GLI2: variants seen among roughly 807,000 people sequenced by gnomAD.
The protein encoded by GLI2 is GLI family zinc finger 2, also known as transcription activator GLI2.
A neutral mutation model predicts 78.9 loss-of-function variants in GLI2; 22 were observed. The ratio of observed to expected loss-of-function variants is 0.28; its 90% confidence interval spans 0.20 to 0.40. GLI2 has a LOEUF of 0.40. Among genes scored for constraint, GLI2 ranks in the 10% least tolerant of loss-of-function variants. The pLI, the probability that GLI2 is intolerant of heterozygous loss-of-function variation, is 1.00. For synonymous variants in GLI2, 974 were observed against 963.7 expected (o/e 1.01, Z -0.20); for missense variants, 2,097 against 2,213.2 (o/e 0.95, Z 1.05).
At chr2:120,900,612 C>A (rs1314488126) in intron 2 of GLI2, among the ~76,000 whole-genome samples, 1 of 152,222 alleles carries the variant, frequency 6.6e-6, no homozygotes, top group Non-Finnish European at 1.5e-5. Flanking sequence ...GTGGAAGAAA[C>A]AAGATGAGGG....
At position 120,986,589 on chromosome 2, in the gene GLI2, C is replaced by A. The variant is rs941125473; in HGVS notation, c.2217C>A (p.Thr739=). Residue 739 remains threonine, a synonymous_variant, in exon 13 of 14, where the codon ACC becomes ACA. Transcript: ENST00000361492. The part of the protein sequence containing the change: ...WAGPTPHTRN[T]KLPPLPGSGS... ...GGCCGACTCCACACACGCGGAACAC[C>A]AAGCTGCCTCCCCTCCCGGGAAGTG... 5.6e-6 allele frequency: 9 copies of A among 1,613,966 alleles called. No individual in the cohort carries two copies. In the African/African-American group the frequency reaches 1.2e-4, roughly 22 times the overall value.
chr2:120,927,567 T>C (rs112754435), intron 3 of GLI2, 101 bp downstream of exon 3: 2 of 822,022 alleles, frequency 2.4e-6, no homozygotes. Flanking sequence ...TGTCTTTCTT[T>C]TGGGGGTTCC....
At chr2:120,935,585 G>A (rs1158702537) in intron 3 of GLI2, among the ~76,000 whole-genome samples, 1 of 152,124 alleles carries the variant, frequency 6.6e-6, no homozygotes, top group Admixed American at 6.5e-5. Flanking sequence ...CTGCAAGGTG[G>A]GATTATCACT....
intron 2 of GLI2, among the ~76,000 whole-genome samples, chr2:120,912,445 C>G (rs1313130613): frequency 3.3e-5 from 5 of 152,106 alleles, no homozygotes; most frequent in African/African-American, 4.8e-5. Flanking sequence ...AATAGGGGAG[C>G]AGGCTCTTCC....
At chr2:120,789,029 C>CTTTTTTTTTTTTT (rs765758623) in intron 1 of GLI2, among the ~76,000 whole-genome samples, 1 of 135,496 alleles carries the variant, frequency 7.4e-6, no homozygotes, top group African/African-American at 3.2e-5. Context: ...TTATTTCTTT[C>CTTTTTTTTTTTTT]TTTCTTTTTT....
intron 2 of GLI2, among the ~76,000 whole-genome samples, chr2:120,825,024 C>T (rs998647259): frequency 3.3e-5 from 5 of 152,100 alleles, no homozygotes; most frequent in African/African-American, 1.2e-4. Context: ...TTTATAGAGA[C>T]AGGGTTTCAA....
intron 2 of GLI2, among the ~76,000 whole-genome samples, chr2:120,882,552 G>A (rs563646207): frequency 2.0e-5 from 3 of 152,256 alleles, no homozygotes; most frequent in Non-Finnish European, 2.9e-5. Context: ...GCTGCAACGC[G>A]AAGCCGACAA....
At chr2:120,898,215 C>A (rs1055255703) in intron 2 of GLI2, among the ~76,000 whole-genome samples, 1 of 150,818 alleles carries the variant, frequency 6.6e-6, no homozygotes, top group Non-Finnish European at 1.5e-5. Context: ...CACACACACA[C>A]AAAATGATTG....
intron 2 of GLI2, among the ~76,000 whole-genome samples, chr2:120,802,520 G>A (rs1558804274): frequency 6.6e-6 from 1 of 152,162 alleles, no homozygotes; most frequent in East Asian, 1.9e-4. Context: ...AATTTTAAAA[G>A]CAATTTGATT....
At chr2:120,769,400 TG>T (rs1411045284) in intron 1 of GLI2, among the ~76,000 whole-genome samples, 2 of 152,186 alleles carry the variant, frequency 1.3e-5, no homozygotes, top group African/African-American at 4.8e-5. Flanking sequence ...TGCCGGGGCC[TG>T]GGGGCATCCC....
At chr2:120,843,409 C>T (rs1360397230) in intron 2 of GLI2, among the ~76,000 whole-genome samples, 2 of 152,232 alleles carry the variant, frequency 1.3e-5, no homozygotes, top group African/African-American at 4.8e-5. Flanking sequence ...GACGTCAGGA[C>T]AAGATCTGTC....
rs115616643 is a variant in GLI2 at position 120,813,463 on chromosome 2, G to A, written c.148+15995G>A. On this transcript the variant is annotated intron_variant, in intron 2 of 13. Coordinates refer to ENST00000361492, the MANE Select transcript of GLI2 (RefSeq NM_001374353.1). Reference sequence around the variant, plus strand: ...ACAGAGGAACAGCCTGATCCCCTCAGCTGCGTTGAGTCTTGGGAGAGGGAG... The same window carrying A: ...ACAGAGGAACAGCCTGATCCCCTCAACTGCGTTGAGTCTTGGGAGAGGGAG... 9.1e-3 allele frequency among the ~76,000 whole-genome samples: 1,384 copies of A among 152,324 alleles called. 12 individuals carry two copies. The highest frequency in any genetic ancestry group is 0.017 in the Middle Eastern group (5 of 294).
chr2:120,848,994 T>C (rs1687260329), intron 2 of GLI2, among the ~76,000 whole-genome samples: 1 of 152,208 alleles, frequency 6.6e-6, no homozygotes, highest in Admixed American at 6.5e-5. Context: ...TGGAATAGTA[T>C]TCAACCATCA....
rs1403009365 is a variant in GLI2, at chr2:120,890,460, T to TAC, written c.149-36897_149-36896dup. On this transcript the variant is annotated intron_variant, in intron 2 of 13. Transcript: ENST00000361492. ...ACATTCACATATATATATATATATA[T>TAC]ACACATAAAACTAAATGCATACACA... 5.9e-5 allele frequency among the ~76,000 whole-genome samples: 9 copies of TAC among 151,796 alleles called. No homozygotes were observed. In the East Asian group the frequency reaches 1.4e-3, roughly 23 times the overall value.
intron 2 of GLI2, among the ~76,000 whole-genome samples, chr2:120,835,406 G>A (rs1558823997): frequency 7.0e-6 from 1 of 143,158 alleles, no homozygotes; most frequent in African/African-American, 2.6e-5. Flanking sequence ...TTTTTTTGGA[G>A]ACAGAGTCTC....
intron 2 of GLI2, among the ~76,000 whole-genome samples, chr2:120,867,795 G>C (rs980404990): frequency 5.9e-5 from 9 of 152,116 alleles, no homozygotes; most frequent in Admixed American, 2.0e-4. Context: ...GGCCTCAGGC[G>C]GGGGGAGCTG....
intron 1 of GLI2, among the ~76,000 whole-genome samples, chr2:120,766,077 T>C (rs80101048): frequency 0.013 from 2,020 of 152,272 alleles, 43 homozygotes; most frequent in African/African-American, 0.047. Flanking sequence ...GGCTGGATCG[T>C]GTTTCCTTGC....
rs759304264 is a variant in GLI2, at chr2:120,982,913, A to G, written c.1632+33A>G. The G allele has an allele frequency of 5.6e-6, 9 of 1,605,054 alleles. No individual in the cohort carries two copies. The South Asian group carries it at 6.6e-5, about 12-fold the overall frequency. On this transcript the variant is annotated intron_variant, in intron 11 of 13. Transcript: ENST00000361492. Reference sequence around the variant, plus strand: ...TGCGGGGCATGCACTGGGCATGCACACTGGGGCCCCACTGACGCCCCATGG... The same window carrying G: ...TGCGGGGCATGCACTGGGCATGCACGCTGGGGCCCCACTGACGCCCCATGG...
chr2:120,888,350 C>A (rs182724641), intron 2 of GLI2, among the ~76,000 whole-genome samples: 1 of 152,334 alleles, frequency 6.6e-6, no homozygotes, highest in Admixed American at 6.5e-5. Context: ...ATCTGTGACA[C>A]CTGTTGACTC....
Sources: gnomAD v4.1 joint callset for allele counts (sites outside exome capture counted in the v4.1 genomes callset) on GRCh38, gnomAD v4.1.1 for gene constraint, MANE v1.5 for transcripts, NCBI Gene and HGNC (gene_info 2026-07-23, HGNC 2026-07-21) for gene names.